Variants in CRIM1 observed in about 807,000 individuals in gnomAD.
CRIM1 encodes cysteine rich transmembrane BMP regulator 1, also known as cysteine-rich motor neuron 1 protein.
CRIM1 carries 32 observed loss-of-function variants against 116.4 expected under a neutral mutation model. The observed-to-expected ratio is 0.27, with a 90% CI of 0.21 to 0.37. The LOEUF (loss-of-function observed/expected upper bound fraction) is 0.37, where lower values mean the gene tolerates loss of function less well. Ranked by LOEUF, CRIM1 falls within the 10% of genes least tolerant of loss-of-function variation. The pLI is 1.00. For synonymous variants in CRIM1, 590 were observed against 509.2 expected, an observed-to-expected ratio of 1.16 and a Z score of -2.13; for missense variants, 1,331 against 1,354.8, an observed-to-expected ratio of 0.98 and a Z score of 0.28.
chr2:36,396,733 C>A lies in CRIM1; in HGVS notation c.451C>A (p.Pro151Thr), dbSNP rs1027106906. The A allele has an allele frequency of 6.2e-7, 1 of 1,613,702 alleles. No homozygotes were observed. The highest frequency in any genetic ancestry group is 8.5e-7 in the Non-Finnish European group (1 of 1,179,648). ...TAACACCATTCGAACCTGCAGCAAT[C>A]CCTTTGAGTTTCCAAGTCAGGATAT... ...ECNTIRTCSN[P>T]FEFPSQDMCL... Residue 151 changes from proline to threonine, a missense_variant, in exon 2 of 17, where the codon CCC (proline) becomes ACC (threonine). Physicochemically the swap from Pro to Thr is conservative, Grantham distance 38. This residue lies in a region of CRIM1 where 690 missense variants were observed against 676.0 expected (regional missense o/e 1.02). Transcript: ENST00000280527.
chr2:36,394,134 A>G (rs149547038), intron 1 of CRIM1, among the ~76,000 whole-genome samples: 35 of 152,334 alleles, frequency 2.3e-4, no homozygotes, highest in African/African-American at 8.4e-4. Context: ...AAATTCTGCA[A>G]TAGGATCAAC....
chr2:36,381,481 A>AGGAG (rs1276364218), intron 1 of CRIM1, among the ~76,000 whole-genome samples: 1 of 152,180 alleles, frequency 6.6e-6, no homozygotes, highest in Non-Finnish European at 1.5e-5. Flanking sequence ...GAGGGGAAGG[A>AGGAG]GGAGGAGCAG....
At chr2:36,515,197 G>T (rs1014654846) in intron 11 of CRIM1, among the ~76,000 whole-genome samples, 1 of 152,194 alleles carries the variant, frequency 6.6e-6, no homozygotes, top group South Asian at 2.1e-4. Context: ...TGCTAAACAT[G>T]TCCTCAATGA....
At chr2:36,523,998 A>G (rs1665587394) in intron 13 of CRIM1, among the ~76,000 whole-genome samples, 1 of 152,268 alleles carries the variant, frequency 6.6e-6, no homozygotes. Context: ...TTTAAAAGCT[A>G]GATGGCCAAA....
intron 2 of CRIM1, among the ~76,000 whole-genome samples, chr2:36,408,420 G>A (rs1200918322): frequency 1.3e-5 from 2 of 152,190 alleles, no homozygotes; most frequent in African/African-American, 2.4e-5. Flanking sequence ...GCTTTGCCCA[G>A]CTGTGTCCGG....
chr2:36,540,157 C>A (rs1231848205), intron 14 of CRIM1, among the ~76,000 whole-genome samples: 1 of 152,092 alleles, frequency 6.6e-6, no homozygotes, highest in Non-Finnish European at 1.5e-5. Context: ...GTAAACTGCT[C>A]AATCAAGCGC....
intron 2 of CRIM1, among the ~76,000 whole-genome samples, chr2:36,403,953 A>G (rs1378171262): frequency 2.0e-5 from 3 of 152,146 alleles, no homozygotes; most frequent in Non-Finnish European, 4.4e-5. Context: ...TGTGGTGTCT[A>G]ATGACTTTTT....
chr2:36,440,123 A>T (rs781220976), intron 2 of CRIM1, among the ~76,000 whole-genome samples: 1 of 152,172 alleles, frequency 6.6e-6, no homozygotes, highest in Non-Finnish European at 1.5e-5. Flanking sequence ...TCAAGACCTG[A>T]GTGGACTGGA....
intron 2 of CRIM1, among the ~76,000 whole-genome samples, chr2:36,431,520 G>C (rs1048591558): frequency 6.6e-6 from 1 of 152,092 alleles, no homozygotes; most frequent in Non-Finnish European, 1.5e-5. Context: ...TCTGGGACTC[G>C]GGAATTTTTT....
rs954231427 is a variant in CRIM1, at chr2:36,547,175, C to T, written c.2934+4C>T. The T allele has an allele frequency of 3.7e-6, 6 of 1,606,360 alleles. No individual in the cohort carries two copies. The East Asian group carries it at 9.0e-5, about 24-fold the overall frequency. On this transcript the variant is annotated splice_donor_region_variant and intron_variant, in intron 16 of 16. Coordinates refer to ENST00000280527, the MANE Select transcript of CRIM1 (RefSeq NM_016441.3). ...CTGGTATCGAACACCAACTAAGGTACTGTCTTGCAAAAGTTAGTCTCTTGA... is the reference window on the plus strand; with the variant it reads ...CTGGTATCGAACACCAACTAAGGTATTGTCTTGCAAAAGTTAGTCTCTTGA...
intron 11 of CRIM1, among the ~76,000 whole-genome samples, chr2:36,516,198 C>A (rs1665021507): frequency 6.6e-6 from 1 of 152,214 alleles, no homozygotes; most frequent in Non-Finnish European, 1.5e-5. Context: ...CTAACCACCA[C>A]TTTGAAAGTC....
intron 4 of CRIM1, among the ~76,000 whole-genome samples, chr2:36,457,420 TAC>T (rs1158816387): frequency 6.6e-6 from 1 of 152,102 alleles, no homozygotes; most frequent in Admixed American, 6.6e-5. Flanking sequence ...TTGAAGAAGG[TAC>T]AGTTTCTGCT....
intron 1 of CRIM1, among the ~76,000 whole-genome samples, chr2:36,384,024 A>T (rs1011256270): frequency 2.6e-5 from 4 of 152,226 alleles, no homozygotes; most frequent in African/African-American, 9.6e-5. Context: ...TAGTAAGGAA[A>T]ACATACAGCA....
Position 36,522,151 on chromosome 2 carries a change from G to A in CRIM1, c.2266G>A (p.Asp756Asn). Residue 756 changes from aspartate to asparagine, a missense_variant, in exon 13 of 17, where the codon GAT (aspartate) becomes AAT (asparagine). By Grantham distance (23) the Asp-to-Asn change is conservative. This residue lies in a region of CRIM1 where 358 missense variants were observed against 436.1 expected (regional missense o/e 0.82). Coordinates refer to ENST00000280527, the MANE Select transcript of CRIM1 (RefSeq NM_016441.3). ...CAGCGTACCTAATTACTGCAAAAAT[G>A]ATGAAGGGGATATATTCCTGGCAGC... ...NNSVPNYCKN[D>N]EGDIFLAAES... 1 of 1,614,210 alleles carries A rather than the reference G, an allele frequency of 6.2e-7. No individual in the cohort carries two copies. The highest frequency in any genetic ancestry group is 8.5e-7 in the Non-Finnish European group (1 of 1,180,040).
chr2:36,411,583 AG>A (rs757834081), intron 2 of CRIM1, among the ~76,000 whole-genome samples: 2 of 152,168 alleles, frequency 1.3e-5, no homozygotes, highest in Non-Finnish European at 2.9e-5. Flanking sequence ...CATGTATATA[AG>A]CACATATACA....
intron 13 of CRIM1, among the ~76,000 whole-genome samples, chr2:36,531,486 T>G (rs1384650139): frequency 6.6e-6 from 1 of 151,916 alleles, no homozygotes; most frequent in Non-Finnish European, 1.5e-5. Context: ...TCTCAGTGAC[T>G]CCTGGAATAC....
intron 4 of CRIM1, among the ~76,000 whole-genome samples, chr2:36,458,399 T>G (rs942582065): frequency 6.6e-6 from 1 of 152,136 alleles, no homozygotes; most frequent in Non-Finnish European, 1.5e-5. Context: ...GAATCTCCTG[T>G]AGGTTATCTT....
chr2:36,378,329 A>G (rs1670473388), intron 1 of CRIM1: 2 of 471,196 alleles, frequency 4.2e-6, no homozygotes, highest in Non-Finnish European at 4.4e-6. Context: ...CCTCCTAGGC[A>G]GGCGCCACCT....
intron 8 of CRIM1, among the ~76,000 whole-genome samples, chr2:36,500,010 A>T (rs185773603): frequency 6.6e-6 from 1 of 152,198 alleles, no homozygotes; most frequent in African/African-American, 2.4e-5. Context: ...TTGTCTTTAC[A>T]TAAAATATGG....
Sources: gnomAD v4.1 joint callset for allele counts (sites outside exome capture counted in the v4.1 genomes callset) on GRCh38, gnomAD v4.1.1 for gene constraint, gnomAD v4.1.1 regional missense constraint, MANE v1.5 for transcripts, NCBI Gene and HGNC (gene_info 2026-07-23, HGNC 2026-07-21) for gene names.